The following NFIB variants were observed in gnomAD, a reference collection of about 807,000 sequenced individuals.
NFIB encodes nuclear factor I B.
Under a neutral mutation model 61.5 loss-of-function variants are expected in NFIB, and 11 were observed. The observed-to-expected ratio is 0.18, with a 90% CI of 0.11 to 0.30. The LOEUF is 0.30. NFIB is among the 10% of genes least tolerant of loss of function. The pLI is 1.00. For missense variants in NFIB, 471 were observed against 608.9 expected (o/e 0.77, Z 2.38); for synonymous variants, 260 against 216.5 (o/e 1.20, Z -1.76).
the NFIB span, among the ~76,000 whole-genome samples, chr9:14,476,710 A>C: frequency 2.5e-3 from 376 of 152,336 alleles, 3 homozygotes; most frequent in African/African-American, 8.1e-3. Flanking sequence ...AAAAAAACCA[A>C]CAACCAACCA....
At chr9:14,137,304 C>G (rs114910258) in intron 6 of NFIB, among the ~76,000 whole-genome samples, 159 of 152,306 alleles carry the variant, frequency 1.0e-3, no homozygotes, top group African/African-American at 3.7e-3. Context: ...TTTGTGAGAA[C>G]TGCGCATTCC....
At chr9:14,206,177 CTTT>C (rs57849439) in intron 2 of NFIB, among the ~76,000 whole-genome samples, 10 of 135,224 alleles carry the variant, frequency 7.4e-5, no homozygotes, top group Non-Finnish European at 1.5e-4. Context: ...CTCTCTCTCT[CTTT>C]TTTTTTTTTT....
At chr9:14,393,571 G>C (rs927015875) in intron 1 of NFIB, among the ~76,000 whole-genome samples, 1 of 152,138 alleles carries the variant, frequency 6.6e-6, no homozygotes, top group African/African-American at 2.4e-5. Flanking sequence ...TCCACATTTA[G>C]CTCTGAGTCC....
intron 2 of NFIB, among the ~76,000 whole-genome samples, chr9:14,238,544 T>C (rs1275892751): frequency 6.6e-6 from 1 of 152,182 alleles, no homozygotes; most frequent in African/African-American, 2.4e-5. Context: ...ATTGGTTGTT[T>C]CAGTCAAATA....
Position 14,361,988 on chromosome 9 carries a change from A to G in NFIB, c.108+36536T>C, listed in dbSNP as rs1217258837. The G allele has an allele frequency of 3.3e-5, 5 of 152,330 alleles. No homozygotes were observed. In the East Asian group the frequency reaches 7.7e-4, roughly 23 times the overall value. 9.4% of individuals were successfully genotyped at this position (152,330 alleles called of 1,614,324 possible). On this transcript the variant is annotated intron_variant, in intron 1 of 8. Transcript: ENST00000380934. Reference sequence around the variant, plus strand: ...AAACAAAACTCAACACAAAAGGTGAAATACAAGGAACCAAAGAAAATCATT... The same window carrying G: ...AAACAAAACTCAACACAAAAGGTGAGATACAAGGAACCAAAGAAAATCATT...
rs1214601178 is a variant in NFIB, at chr9:14,307,387, C to T, written c.164G>A (p.Arg55Lys). The T allele has an allele frequency of 6.2e-7, 1 of 1,614,034 alleles. No homozygotes were observed. Among genetic ancestry groups the T allele is most frequent in the Non-Finnish European group, 8.5e-7 (1 of 1,180,002 alleles). The change falls in exon 2 of 11, where the codon AGA becomes AAA. Residue 55 changes from arginine to lysine, a missense_variant. Transcript: ENST00000380953. The surrounding 1 kb of genome is among the most constrained non-coding windows in gnomAD (Gnocchi z 5.3). ...ACTGAGAAGCTCATCTTTGACTGCT[C>T]TTTCTTCATCCTTTGACATTCGCTT... Reference protein sequence around the residue: ...HEKRMSKDEERAVKDELLSEK... With the variant: ...HEKRMSKDEEKAVKDELLSEK...
the NFIB span, among the ~76,000 whole-genome samples, chr9:14,474,679 G>A: frequency 2.0e-5 from 3 of 152,232 alleles, no homozygotes; most frequent in East Asian, 1.9e-4. Context: ...TAAACAAAAC[G>A]AGTTATGCAC....
intron 9 of NFIB, 165 bp downstream of exon 9, chr9:14,116,043 C>G (rs2038084537): frequency 6.6e-6 from 5 of 755,166 alleles, no homozygotes; most frequent in Non-Finnish European, 9.3e-6. Flanking sequence ...AGGGCCACAT[C>G]CATGCCTGCT....
At chr9:14,189,749 C>G (rs1461020108) in intron 2 of NFIB, among the ~76,000 whole-genome samples, 1 of 149,802 alleles carries the variant, frequency 6.7e-6, no homozygotes, top group Non-Finnish European at 1.5e-5. Flanking sequence ...ATTCACTGCC[C>G]TAGCATATTC....
rs1470982054 is a variant in NFIB at position 14,388,465 on chromosome 9, AAAAG to A, written c.108+10055_108+10058del. On this transcript the variant is annotated intron_variant, in intron 1 of 8. Coordinates refer to the NFIB transcript ENST00000380934. ...GAGAGGGAGAAAAAAGAGAGAAAGA[AAAAG>A]AGAGAGAGAGAGAGAAAGAGAGAGA... 4.7e-5 allele frequency among the ~76,000 whole-genome samples: 7 copies of A among 147,376 alleles called. 1 individual carries two copies. In the South Asian group the frequency reaches 6.7e-4, roughly 14 times the overall value.
At chr9:14,499,441 G>A in the NFIB span, among the ~76,000 whole-genome samples, 1 of 152,070 alleles carries the variant, frequency 6.6e-6, no homozygotes, top group African/African-American at 2.4e-5. Flanking sequence ...ACTTGAATGG[G>A]GTGTTTAGCT....
chr9:14,367,697 C>T (rs559645866), intron 1 of NFIB, among the ~76,000 whole-genome samples: 5 of 152,022 alleles, frequency 3.3e-5, no homozygotes, highest in African/African-American at 1.2e-4. Flanking sequence ...TACTATGCAG[C>T]CATAAAAAAG....
chr9:14,163,794 C>T (rs2044465284), intron 3 of NFIB, among the ~76,000 whole-genome samples: 1 of 151,888 alleles, frequency 6.6e-6, no homozygotes, highest in Non-Finnish European at 1.5e-5. Flanking sequence ...AAACATCGAT[C>T]ATGTTTTTGA....
chr9:14,487,610 AG>A, the NFIB span, among the ~76,000 whole-genome samples: 2 of 138,886 alleles, frequency 1.4e-5, no homozygotes, highest in African/African-American at 6.7e-5. Context: ...AACTGAAAAC[AG>A]AAAAATCAAA....
rs1490612654 is a variant in NFIB at position 14,307,428 on chromosome 9, G to A, written c.123C>T (p.Tyr41=). The A allele has an allele frequency of 3.1e-6, 5 of 1,613,840 alleles. No homozygotes were observed. The highest frequency in any genetic ancestry group is 1.6e-4 in the Middle Eastern group (1 of 6,084). The change falls in exon 2 of 11, where the codon TAC becomes TAT. Residue 41 remains tyrosine (Y), a synonymous_variant. Coordinates refer to ENST00000380953, the MANE Select transcript of NFIB (RefSeq NM_001190737.2). The surrounding 1 kb of genome is among the most constrained non-coding windows in gnomAD (Gnocchi z 5.3). ...ACATTCGCTTCTCATGCTTTTTAAA[G>A]TACTTGCGTTTTCGAGCCTGCAGGT... The part of the protein sequence containing the change: ...WFNLQARKRK[Y]FKKHEKRMSK...
intron 2 of NFIB, among the ~76,000 whole-genome samples, chr9:14,254,051 C>T (rs2055945271): frequency 6.6e-6 from 1 of 152,142 alleles, no homozygotes; most frequent in South Asian, 2.1e-4. Context: ...CCCGTAATCC[C>T]AGCACTTTGG....
intron 2 of NFIB, among the ~76,000 whole-genome samples, chr9:14,253,913 A>G (rs963341558): frequency 2.6e-5 from 4 of 151,764 alleles, no homozygotes; most frequent in African/African-American, 9.7e-5. Flanking sequence ...CTTCTTGTAC[A>G]TTTTCCTGCC....
the NFIB span, among the ~76,000 whole-genome samples, chr9:14,507,642 G>A: frequency 1.3e-5 from 2 of 152,174 alleles, no homozygotes; most frequent in African/African-American, 2.4e-5. Flanking sequence ...GTAATGGGAA[G>A]ATAATGCAGA....
chr9:14,363,494 G>T (rs994803034), intron 1 of NFIB, among the ~76,000 whole-genome samples: 5 of 152,082 alleles, frequency 3.3e-5, no homozygotes, highest in African/African-American at 1.2e-4. Context: ...GATGGATTTG[G>T]ACTAGGCTTC....
Sources: allele counts gnomAD v4.1 joint callset (sites outside exome capture counted in the v4.1 genomes callset), GRCh38; gene constraint gnomAD v4.1.1; non-coding constraint Gnocchi (gnomAD v3.1); transcripts MANE v1.5; gene names NCBI Gene and HGNC (gene_info 2026-07-23, HGNC 2026-07-21).